Variants in TMPRSS11F observed in about 807,000 individuals in gnomAD.
TMPRSS11F encodes the protein transmembrane serine protease 11F.
In TMPRSS11F, 47 loss-of-function variants were observed where a neutral mutation model predicts 60.2. The observed-to-expected ratio is 0.78, with a 90% CI of 0.62 to 1.00. TMPRSS11F has a LOEUF of 1.00. Ranked by LOEUF, TMPRSS11F falls within the 50% of genes least tolerant of loss-of-function variation. The pLI is 0.00. For missense variants in TMPRSS11F, 519 were observed against 522.9 expected (o/e 0.99, Z 0.07); for synonymous variants, 166 against 167.3 (o/e 0.99, Z 0.06).
In TMPRSS11F at chr4:68,059,336, T is replaced by C. The variant is rs886864093; in HGVS notation, c.1148A>G (p.Asp383Gly). ...TGACTTTAAACTTACCTTACATGCA[T>C]CTATTTTTCCTTCCATGAATCCAGC... ...LCAGFMEGKI[D>G]ACKGDSGGPL... The change falls in exon 9 of 10, where the codon GAT (aspartate) becomes GGT (glycine). Residue 383 changes from aspartate to glycine, a missense_variant. Asp to Gly is a moderately conservative substitution (Grantham distance 94). Transcript: ENST00000356291. 2.5e-6 allele frequency: 4 copies of C among 1,613,590 alleles called. No individual in the cohort carries two copies. Among genetic ancestry groups the C allele is most frequent in the Non-Finnish European group, 3.4e-6 (4 of 1,179,920 alleles).
chr4:68,126,307 A>C (rs1402522701), intron 1 of TMPRSS11F, among the ~76,000 whole-genome samples: 4 of 152,206 alleles, frequency 2.6e-5, no homozygotes. Context: ...CTATAAGCTA[A>C]ATTAAGTATT....
chr4:68,059,966 A>G (rs1355408497), intron 8 of TMPRSS11F, among the ~76,000 whole-genome samples: 1 of 152,156 alleles, frequency 6.6e-6, no homozygotes, highest in Non-Finnish European at 1.5e-5. Context: ...TGAATGCCCA[A>G]TATGTGCTAG....
Position 68,053,789 on chromosome 4 carries a change from C to G in TMPRSS11F, c.*120G>C, listed in dbSNP as rs1469408392. On this transcript the variant is annotated 3_prime_UTR_variant, in exon 10 of 10. Coordinates refer to ENST00000356291, the MANE Select transcript of TMPRSS11F (RefSeq NM_207407.2). Reference sequence around the variant, plus strand: ...CTCAGGATATTAGATTTGTCTGGGTCTGAAGGGCTTCTTGACATCTAGCAA... The same window carrying G: ...CTCAGGATATTAGATTTGTCTGGGTGTGAAGGGCTTCTTGACATCTAGCAA... 5.9e-6 allele frequency: 6 copies of G among 1,012,636 alleles called. No homozygotes were observed. The African/African-American group carries it at 8.0e-5, about 13-fold the overall frequency. The allele number at this position is 1,012,636 out of a possible 1,614,324, so 62.7% of individuals were successfully genotyped here. A position where few individuals can be genotyped will look rare whatever the true frequency, so the allele number is the denominator to read the frequency against.
At chr4:68,116,363 A>C (rs1724518790) in intron 1 of TMPRSS11F, among the ~76,000 whole-genome samples, 1 of 152,204 alleles carries the variant, frequency 6.6e-6, no homozygotes, top group African/African-American at 2.4e-5. Context: ...GATAAATGGA[A>C]GGACATTCCA....
chr4:68,091,236 C>A (rs1034820745), intron 2 of TMPRSS11F, among the ~76,000 whole-genome samples: 1 of 152,074 alleles, frequency 6.6e-6, no homozygotes, highest in African/African-American at 2.4e-5. Context: ...TTCCTTGTAG[C>A]CTTCATCATG....
intron 3 of TMPRSS11F, among the ~76,000 whole-genome samples, chr4:68,078,649 G>A (rs950313864): frequency 6.6e-6 from 1 of 152,220 alleles, no homozygotes; most frequent in African/African-American, 2.4e-5. Flanking sequence ...AAGGGAAGAA[G>A]ATGGTAACAC....
chr4:68,112,908 A>T (rs1724436157), intron 1 of TMPRSS11F, among the ~76,000 whole-genome samples: 2 of 152,182 alleles, frequency 1.3e-5, no homozygotes, highest in Non-Finnish European at 2.9e-5. Context: ...ATATGTGATT[A>T]AAAATATTAA....
Position 68,059,020 on chromosome 4 carries a change from G to A in TMPRSS11F, c.1158+306C>T, listed in dbSNP as rs59696627. ...GGAAAGAAAACTTGTTTCAGCTGTC[G>A]CTGTCATTAAAAAATGTGAGGGGCG... On this transcript the variant is annotated intron_variant, in intron 9 of 9. Transcript: ENST00000356291. Among the ~76,000 whole-genome samples the A allele has an allele frequency of 9.0e-3, 1,375 of 152,206 alleles. 26 individuals carry two copies. The highest frequency in any genetic ancestry group is 0.031 in the African/African-American group (1,307 of 41,514).
chr4:68,127,940 G>A (rs1369473446), intron 1 of TMPRSS11F, among the ~76,000 whole-genome samples: 1 of 151,992 alleles, frequency 6.6e-6, no homozygotes, highest in Non-Finnish European at 1.5e-5. Context: ...GCCCATTAAT[G>A]GTAACAACCT....
At chr4:68,111,553 C>T (rs1026179494) in intron 1 of TMPRSS11F, among the ~76,000 whole-genome samples, 1 of 152,108 alleles carries the variant, frequency 6.6e-6, no homozygotes, top group Admixed American at 6.5e-5. Flanking sequence ...CAATGTCTGA[C>T]AGGTAATAGG....
chr4:68,073,938 A>C lies in TMPRSS11F; in HGVS notation c.350+4T>G, dbSNP rs758954137. The C allele has an allele frequency of 6.4e-7, 1 of 1,555,330 alleles. No individual in the cohort carries two copies. The highest frequency in any genetic ancestry group is 8.7e-7 in the Non-Finnish European group (1 of 1,147,184). ...ACTTGAAATTATAAACCAAATTTAC[A>C]TACCTTAATTTGATAACATGAGATT... On this transcript the variant is annotated splice_donor_region_variant and intron_variant, in intron 4 of 9. Coordinates refer to ENST00000356291, the MANE Select transcript of TMPRSS11F (RefSeq NM_207407.2).
intron 5 of TMPRSS11F, among the ~76,000 whole-genome samples, 167 bp downstream of exon 5, chr4:68,072,156 C>T (rs1723479706): frequency 1.5e-5 from 2 of 137,136 alleles, no homozygotes; most frequent in Non-Finnish European, 1.5e-5. Flanking sequence ...TAAATTTTGC[C>T]TCATAGTGGA....
chr4:68,074,315 T>G (rs75551993), intron 3 of TMPRSS11F, among the ~76,000 whole-genome samples: 5,425 of 152,266 alleles, frequency 0.036, 269 homozygotes, highest in African/African-American at 0.11. Context: ...TACAGTTGAT[T>G]TGAGAATTAA....
chr4:68,114,990 TAAAAAAA>T (rs56946635), intron 1 of TMPRSS11F, among the ~76,000 whole-genome samples: 1 of 114,402 alleles, frequency 8.7e-6, no homozygotes, highest in Non-Finnish European at 1.8e-5. Flanking sequence ...ATTCATTATT[TAAAAAAA>T]AAAAAAAAAA....
intron 1 of TMPRSS11F, among the ~76,000 whole-genome samples, chr4:68,114,718 C>G (rs147248498): frequency 1.5e-3 from 223 of 148,418 alleles, no homozygotes; most frequent in African/African-American, 5.3e-3. Flanking sequence ...CCAAAGGGAA[C>G]TGGAAAAAAA....
At chr4:68,085,594 G>T (rs933259348) in intron 3 of TMPRSS11F, among the ~76,000 whole-genome samples, 7 of 152,144 alleles carry the variant, frequency 4.6e-5, no homozygotes, top group African/African-American at 1.7e-4. Flanking sequence ...AATGTCAATG[G>T]TCTAAATGTC....
chr4:68,096,837 A>G (rs1724085464), intron 2 of TMPRSS11F, among the ~76,000 whole-genome samples: 1 of 152,178 alleles, frequency 6.6e-6, no homozygotes, highest in Non-Finnish European at 1.5e-5. Flanking sequence ...AATTATTGAT[A>G]ATTTTTACTC....
chr4:68,098,794 T>C (rs1032081108), intron 2 of TMPRSS11F, 93 bp downstream of exon 2: 49 of 1,180,256 alleles, frequency 4.2e-5, no homozygotes, highest in Non-Finnish European at 5.4e-5. Context: ...AAAATGTTAA[T>C]ATCATGCAAA....
intron 1 of TMPRSS11F, among the ~76,000 whole-genome samples, chr4:68,115,861 A>G (rs1312696756): frequency 6.6e-6 from 1 of 152,196 alleles, no homozygotes; most frequent in African/African-American, 2.4e-5. Context: ...TGAAAAATCA[A>G]ATAAAACCTT....
Sources: gnomAD v4.1 joint callset for allele counts (sites outside exome capture counted in the v4.1 genomes callset) on GRCh38, gnomAD v4.1.1 for gene constraint, MANE v1.5 for transcripts, NCBI Gene and HGNC (gene_info 2026-07-23, HGNC 2026-07-21) for gene names.